PRDM16: variants seen among roughly 807,000 people sequenced by gnomAD.
PRDM16 encodes the protein histone-lysine N-methyltransferase PRDM16.
A neutral mutation model predicts 110.6 loss-of-function variants in PRDM16; 23 were observed. That is an observed-to-expected ratio of 0.21 (90% CI 0.15 to 0.29). PRDM16 has a LOEUF of 0.29. PRDM16 is among the 10% of genes least tolerant of loss of function. The pLI is 1.00. For missense variants in PRDM16, 1,615 were observed against 1,794.3 expected (o/e 0.90, Z 1.81); for synonymous variants, 799 against 781.8 (o/e 1.02, Z -0.37).
At chr1:3,167,292 AC>A (rs1293922117) in intron 1 of PRDM16, among the ~76,000 whole-genome samples, 1 of 152,008 alleles carries the variant, frequency 6.6e-6, no homozygotes, top group Non-Finnish European at 1.5e-5. Flanking sequence ...TCTGAAAACG[AC>A]CCCGTTAAAA....
chr1:3,397,309 C>T (rs1009521063), intron 5 of PRDM16, among the ~76,000 whole-genome samples: 3 of 152,240 alleles, frequency 2.0e-5, no homozygotes, highest in African/African-American at 4.8e-5. Flanking sequence ...ATCTGCCAGT[C>T]CCTCTCTGTC....
intron 3 of PRDM16, among the ~76,000 whole-genome samples, chr1:3,352,897 T>C (rs950012367): frequency 6.6e-6 from 1 of 151,962 alleles, no homozygotes; most frequent in Non-Finnish European, 1.5e-5. Flanking sequence ...CATTTGGTGT[T>C]CACACAAGTC....
chr1:3,076,187 T>G (rs1641895637), intron 1 of PRDM16, among the ~76,000 whole-genome samples: 1 of 152,068 alleles, frequency 6.6e-6, no homozygotes, highest in South Asian at 2.1e-4. Flanking sequence ...AGCGTGGGTG[T>G]GTGAAGGGGT....
At chr1:3,194,609 ACCG>A (rs1638409874) in intron 2 of PRDM16, among the ~76,000 whole-genome samples, 1 of 147,752 alleles carries the variant, frequency 6.8e-6, no homozygotes, top group Non-Finnish European at 1.5e-5. Context: ...ACCACACGCC[ACCG>A]TCTCCCCACC....
chr1:3,418,790 C>A, intron 12 of PRDM16, 46 bp downstream of exon 12: 1 of 1,427,022 alleles, frequency 7.0e-7, no homozygotes, highest in Non-Finnish European at 9.9e-7. Flanking sequence ...CGCCTGCCTC[C>A]GTGCACCGCT....
chr1:3,253,688 T>C (rs1639989661), intron 3 of PRDM16, among the ~76,000 whole-genome samples: 1 of 152,200 alleles, frequency 6.6e-6, no homozygotes, highest in South Asian at 2.1e-4. Context: ...TGTGTCTTTA[T>C]GGTAGCATGA....
In PRDM16 at chr1:3,148,118, G is replaced by A. The variant is rs1643710438; in HGVS notation, c.38-38007G>A. 6.6e-6 allele frequency among the ~76,000 whole-genome samples: 1 copy of A among 152,114 alleles called. No individual in the cohort carries two copies. Among genetic ancestry groups the A allele is most frequent in the African/African-American group, 2.4e-5 (1 of 41,426 alleles). ...TGTCCGCCTCAGTTGCAGGTGGTGG[G>A]GTGTGGTTGGGCATCAGGACGGTTT... On this transcript the variant is annotated intron_variant, in intron 1 of 16. Transcript: ENST00000270722. This position sits in a 1 kb window ranked among gnomAD's most constrained non-coding sequence, Gnocchi z 5.0.
At chr1:3,295,842 C>T (rs1490229000) in intron 3 of PRDM16, among the ~76,000 whole-genome samples, 3 of 152,154 alleles carry the variant, frequency 2.0e-5, no homozygotes, top group South Asian at 4.2e-4. Context: ...GTTCCTGCCT[C>T]TCCGGAGGGC....
intron 3 of PRDM16, among the ~76,000 whole-genome samples, chr1:3,287,009 C>G (rs577238062): frequency 6.6e-6 from 1 of 152,270 alleles, no homozygotes; most frequent in African/African-American, 2.4e-5. Context: ...TCTGCCCACC[C>G]TTCCTGGGTG....
chr1:3,261,321 G>T (rs1415246071), intron 3 of PRDM16, among the ~76,000 whole-genome samples: 1 of 152,100 alleles, frequency 6.6e-6, no homozygotes, highest in African/African-American at 2.4e-5. Flanking sequence ...AGGTAGTCGG[G>T]TCAAAATATT....
intron 3 of PRDM16, among the ~76,000 whole-genome samples, chr1:3,292,216 G>T (rs1471590887): frequency 6.6e-6 from 1 of 152,178 alleles, no homozygotes; most frequent in African/African-American, 2.4e-5. Flanking sequence ...TCGCCAGGAG[G>T]AACCTGCCGT....
intron 4 of PRDM16, among the ~76,000 whole-genome samples, chr1:3,385,954 C>T (rs781169346): frequency 1.7e-4 from 26 of 152,250 alleles, no homozygotes; most frequent in Non-Finnish European, 3.2e-4. Context: ...TCCAGACCCA[C>T]AGGCTGATCA....
chr1:3,166,369 C>A (rs900640068), intron 1 of PRDM16, among the ~76,000 whole-genome samples: 1 of 152,356 alleles, frequency 6.6e-6, no homozygotes, highest in Non-Finnish European at 1.5e-5. Flanking sequence ...CGTGGGGAAC[C>A]CTCGGAGGTT....
At chr1:3,316,491 A>G (rs559771462) in intron 3 of PRDM16, among the ~76,000 whole-genome samples, 6 of 152,354 alleles carry the variant, frequency 3.9e-5, no homozygotes, top group Admixed American at 2.0e-4. Context: ...AGGACCTGGG[A>G]AGAGAACCTG....
chr1:3,346,877 A>G (rs1199685735), intron 3 of PRDM16, among the ~76,000 whole-genome samples: 1 of 152,160 alleles, frequency 6.6e-6, no homozygotes, highest in Non-Finnish European at 1.5e-5. Flanking sequence ...AGCAGTTCCT[A>G]ACACTGTTCA....
chr1:3,105,392 C>T lies in PRDM16; in HGVS notation c.37+36096C>T, dbSNP rs115934006. ...AGAGATGGAAGGCGCTGTGCATGGG[C>T]GCATGGTCTGGTCAGGGCCCTCTCT... is the stretch of plus-strand genomic sequence containing the variant. On this transcript the variant is annotated intron_variant, in intron 1 of 16. Transcript: ENST00000270722. Among the ~76,000 whole-genome samples, 388 of 152,318 alleles carry T rather than the reference C, an allele frequency of 2.5e-3. 5 individuals carry two copies. Among genetic ancestry groups the T allele is most frequent in the African/African-American group, 9.0e-3 (374 of 41,572 alleles).
chr1:3,199,652 G>C (rs773216372), intron 2 of PRDM16, among the ~76,000 whole-genome samples: 2 of 152,200 alleles, frequency 1.3e-5, no homozygotes, highest in African/African-American at 4.8e-5. Context: ...CATCCCATGG[G>C]GTGGGCCTCT....
chr1:3,348,779 GGCCCTGGGGCTCACCCAA>G (rs1210900651), intron 3 of PRDM16, among the ~76,000 whole-genome samples: 1 of 152,186 alleles, frequency 6.6e-6, no homozygotes, highest in Non-Finnish European at 1.5e-5. Context: ...CTGGGGTGGG[GGCCCTGGGGCTCACCCAA>G]CTCCACCCAC....
chr1:3,423,790 C>G (rs997022454), intron 12 of PRDM16, among the ~76,000 whole-genome samples: 3 of 152,320 alleles, frequency 2.0e-5, no homozygotes, highest in Middle Eastern at 3.4e-3. Flanking sequence ...GCTACCAGGC[C>G]CCCCCGGCCA....
Sources: gnomAD v4.1 joint callset for allele counts (sites outside exome capture counted in the v4.1 genomes callset) on GRCh38, gnomAD v4.1.1 for gene constraint, Gnocchi (gnomAD v3.1) non-coding constraint, MANE v1.5 for transcripts, NCBI Gene and HGNC (gene_info 2026-07-23, HGNC 2026-07-21) for gene names.